The following DPH1 variants were observed in gnomAD, a reference collection of about 807,000 sequenced individuals.
DPH1 encodes diphthamide biosynthesis 1, also known as 2-(3-amino-3-carboxypropyl)histidine synthase subunit 1.
Under a neutral mutation model 55.3 loss-of-function variants are expected in DPH1, and 59 were observed. That is an observed-to-expected ratio of 1.07 (90% CI 0.87 to 1.33). The LOEUF (loss-of-function observed/expected upper bound fraction) is 1.33. DPH1 is among the 40% of genes most tolerant of loss of function. The pLI is 0.00. For synonymous variants in DPH1, 238 were observed against 235.5 expected, an observed-to-expected ratio of 1.01 and a Z score of -0.10; for missense variants, 628 against 584.8, an observed-to-expected ratio of 1.07 and a Z score of -0.76.
intron 7 of DPH1, 47 bp downstream of exon 7, chr17:2,039,870 T>C: frequency 1.2e-6 from 2 of 1,612,310 alleles, no homozygotes; most frequent in Non-Finnish European, 1.7e-6. Context: ...AGGGGTGAGA[T>C]TCCCTGCCAC....
chr17:2,035,577 C>T (rs2067410219), intron 3 of DPH1, among the ~76,000 whole-genome samples: 1 of 131,106 alleles, frequency 7.6e-6, no homozygotes, highest in Non-Finnish European at 1.7e-5. Flanking sequence ...TACAGCCACG[C>T]CCATGCCCAC....
intron 3 of DPH1, 59 bp downstream of exon 3, chr17:2,033,901 A>G: frequency 6.3e-6 from 10 of 1,596,644 alleles, no homozygotes; most frequent in South Asian, 2.2e-5. Context: ...CCCTATGCTC[A>G]TTACCCGGGT....
rs35394823 is a variant in DPH1, at chr17:2,040,586, C to G, written c.988C>G (p.Leu330Val). ...TGAGATCTTCCCCAGCAAGCTTAGC[C>G]TACTTCCTGAGGTGGATGTGTGAGT... ...LSEIFPSKLS[L>V]LPEVDVWVQV... The change falls in exon 9 of 13, where the codon CTA (leucine) becomes GTA (valine). Residue 330 changes from leucine to valine, a missense_variant. By Grantham distance (32) the Leu-to-Val change is conservative. Coordinates refer to ENST00000263083, the MANE Select transcript of DPH1 (RefSeq NM_001383.6). 0.084 allele frequency: 136,365 copies of G among 1,614,084 alleles called. 6,333 individuals are homozygous for G. Among genetic ancestry groups the G allele is most frequent in the Admixed American group, 0.1 (6,088 of 60,024 alleles).
chr17:2,040,340 CT>C lies in DPH1; in HGVS notation c.875del (p.Leu292TrpfsTer25), dbSNP rs2067496831. The C allele has an allele frequency of 6.2e-7, 1 of 1,613,862 alleles. No individual in the cohort carries two copies. Among genetic ancestry groups the C allele is most frequent in the African/African-American group, 1.3e-5 (1 of 74,944 alleles). On this transcript the variant is annotated frameshift_variant, in exon 8 of 13. Coordinates refer to ENST00000263083, the MANE Select transcript of DPH1 (RefSeq NM_001383.6). LOFTEE classifies it high-confidence loss of function. ...SAKSWGLILG[T>X]LGRQGSPKIL... ...AAGTCCTGGGGCCTTATTCTGGGCA[CT>C]TTGGGCCGCCAGGGCAGTCCTAAGA... is the stretch of plus-strand genomic sequence containing the variant.
Position 2,036,074 on chromosome 17 carries a change from A to G in DPH1, c.383A>G (p.Tyr128Cys). 6 of 1,613,888 alleles carry G rather than the reference A, an allele frequency of 3.7e-6. No individual in the cohort carries two copies. The highest frequency in any genetic ancestry group is 5.1e-6 in the Non-Finnish European group (6 of 1,179,896). Residue 128 changes from tyrosine to cysteine, a missense_variant, in exon 4 of 13, where the codon TAC (tyrosine) becomes TGC (cysteine). Transcript: ENST00000263083. The surrounding 1 kb of genome is among the most constrained non-coding windows in gnomAD (Gnocchi z 4.8). Reference protein sequence around the residue: ...RALGADFLVHYGHSCLIPMDT... With the variant: ...RALGADFLVHCGHSCLIPMDT... Reference sequence around the variant, plus strand: ...CTGGGAGCTGACTTCTTGGTGCACTACGGCCACAGTTGCCTGAGTATGGTG... The same window carrying G: ...CTGGGAGCTGACTTCTTGGTGCACTGCGGCCACAGTTGCCTGAGTATGGTG...
chr17:2,030,668 A>G (rs895753400), intron 1 of DPH1, among the ~76,000 whole-genome samples: 1 of 152,164 alleles, frequency 6.6e-6, no homozygotes, highest in African/African-American at 2.4e-5. Context: ...AGAATCAGAG[A>G]TCTCAGTCTA....
At position 2,036,057 on chromosome 17, in the gene DPH1, T is replaced by G; in HGVS notation, c.366T>G (p.Ala122=). ...VDDFTARALG[A]DFLVHYGHSC... is the part of the protein sequence containing the mutation. ...ACTTCACAGCGAGGGCCCTGGGAGC[T>G]GACTTCTTGGTGCACTACGGCCACA... Residue 122 remains alanine (A), a synonymous_variant, in exon 4 of 13, where the codon GCT becomes GCG. Transcript: ENST00000263083. The surrounding 1 kb of genome is among the most constrained non-coding windows in gnomAD (Gnocchi z 4.8). The G allele has an allele frequency of 6.2e-7, 1 of 1,613,954 alleles. No homozygotes were observed. The highest frequency in any genetic ancestry group is 8.5e-7 in the Non-Finnish European group (1 of 1,179,912).
rs2067515065 is a variant in DPH1 at position 2,041,174 on chromosome 17, C to T, written c.1079C>T (p.Pro360Leu). 1 of 1,604,484 alleles carries T rather than the reference C, an allele frequency of 6.2e-7. No individual in the cohort carries two copies. Among genetic ancestry groups the T allele is most frequent in the Non-Finnish European group, 8.5e-7 (1 of 1,175,292 alleles). Residue 360 changes from proline to leucine, a missense_variant, in exon 10 of 13, where the codon CCC becomes CTC. By Grantham distance (98) the Pro-to-Leu change is moderately conservative. Transcript: ENST00000263083. The stretch of plus-strand genomic sequence containing the variant: ...GCCTTCCCCAAGCCGCTGCTGACAC[C>T]CTATGAGGTAACACCAAGCTCTGGG... ...GTAFPKPLLT[P>L]YEAAVALRDI...
Position 2,036,362 on chromosome 17 carries a change from G to A in DPH1, c.401-167G>A. The A allele has an allele frequency of 2.7e-6, 3 of 1,091,328 alleles. No homozygotes were observed. In the South Asian group the frequency reaches 4.7e-5, roughly 17 times the overall value. The allele number at this position is 1,091,328 out of a possible 1,614,324, so 67.6% of individuals were successfully genotyped here. ...CCCCGGCCGGGTGACAGAGAAGTCT[G>A]ATTGAGAAGGAGCTTCTAGGGGATC... On this transcript the variant is annotated intron_variant, in intron 4 of 12. Transcript: ENST00000263083. The surrounding 1 kb of genome is among the most constrained non-coding windows in gnomAD (Gnocchi z 4.8).
chr17:2,037,257 C>G (rs1018109958), intron 6 of DPH1: 10 of 258,078 alleles, frequency 3.9e-5, no homozygotes, highest in Admixed American at 1.0e-4. Flanking sequence ...GATGGGCACG[C>G]CCAGGCTGCA....
In DPH1 at chr17:2,030,213, G is replaced by A. The variant is rs757704030; in HGVS notation, c.44G>A (p.Arg15Gln). ...VVSGAAEQGG[R>Q]DGPGRGRAPR... ...TCCGGGGCAGCGGAGCAGGGCGGCC[G>A]AGACGGCCCTGGCAGAGGTGGGTGC... is the stretch of plus-strand genomic sequence containing the variant. Residue 15 changes from arginine to glutamine, a missense_variant, in exon 1 of 13, where the codon CGA becomes CAA. Arg to Gln is a conservative substitution (Grantham distance 43). Transcript: ENST00000263083. 1 of 1,594,260 alleles carries A rather than the reference G, an allele frequency of 6.3e-7. No individual in the cohort carries two copies. Among genetic ancestry groups the A allele is most frequent in the Non-Finnish European group, 8.5e-7 (1 of 1,171,440 alleles).
At chr17:2,042,080 C>G (rs2067542966) in intron 12 of DPH1, 1 of 1,564,284 alleles carries the variant, frequency 6.4e-7, no homozygotes, top group Non-Finnish European at 8.6e-7. Flanking sequence ...GGGTCCTGTG[C>G]CTGGCGGGCT....
rs1443483079 is a variant in DPH1 at position 2,036,990 on chromosome 17, A to G, written c.680+34A>G. 9.4e-6 allele frequency: 15 copies of G among 1,604,178 alleles called. No individual in the cohort carries two copies. The highest frequency in any genetic ancestry group is 1.3e-5 in the Non-Finnish European group (15 of 1,175,494). On this transcript the variant is annotated intron_variant, in intron 6 of 12. Transcript: ENST00000263083. This position sits in a 1 kb window ranked among gnomAD's most constrained non-coding sequence, Gnocchi z 4.8. ...AAAATGGGGGCCAAGTAAGTCCTAG[A>G]GACATGCGTGTACCCTGGGAGGGAG... is the stretch of plus-strand genomic sequence containing the variant.
chr17:2,040,571 C>T lies in DPH1; in HGVS notation c.973C>T (p.Pro325Ser). ...GAGGCTGCTGCTCTCTGAGATCTTCCCCAGCAAGCTTAGCCTACTTCCTGA... is the reference window on the plus strand; with the variant it reads ...GAGGCTGCTGCTCTCTGAGATCTTCTCCAGCAAGCTTAGCCTACTTCCTGA... ...FVRLLLSEIF[P>S]SKLSLLPEVD... Residue 325 changes from proline to serine, a missense_variant, in exon 9 of 13, where the codon CCC (proline) becomes TCC (serine). Coordinates refer to ENST00000263083, the MANE Select transcript of DPH1 (RefSeq NM_001383.6). The T allele has an allele frequency of 6.2e-7, 1 of 1,614,230 alleles. No individual in the cohort carries two copies. Among genetic ancestry groups the T allele is most frequent in the South Asian group, 1.1e-5 (1 of 91,088 alleles).
chr17:2,042,066 C>A (rs532074812), intron 12 of DPH1, 191 bp downstream of exon 12: 2 of 1,552,708 alleles, frequency 1.3e-6, no homozygotes, highest in East Asian at 4.8e-5. Flanking sequence ...GCAGCGACCC[C>A]TGCGGGTCCT....
rs1180371790 is a variant in DPH1, at chr17:2,042,993, C to T, written c.*407C>T. The T allele has an allele frequency of 3.1e-6, 5 of 1,613,864 alleles. No homozygotes were observed. The highest frequency in any genetic ancestry group is 4.2e-6 in the Non-Finnish European group (5 of 1,179,930). ...CCTCTCAGGAGAGTGTGCAACTGGCCAGCCAATTTCCCGGAGCCATCACCC... is the reference window on the plus strand; with the variant it reads ...CCTCTCAGGAGAGTGTGCAACTGGCTAGCCAATTTCCCGGAGCCATCACCC... On this transcript the variant is annotated 3_prime_UTR_variant, in exon 13 of 13. Coordinates refer to ENST00000263083, the MANE Select transcript of DPH1 (RefSeq NM_001383.6).
chr17:2,035,953 C>G lies in DPH1; in HGVS notation c.279-17C>G. On this transcript the variant is annotated splice_polypyrimidine_tract_variant and intron_variant, in intron 3 of 12. Coordinates refer to ENST00000263083, the MANE Select transcript of DPH1 (RefSeq NM_001383.6). ...CCTGTGTCCCTGTCCCACCGTTCCC[C>G]GCCCCTGTGCCCGCAGGTTCACGGA... 1 of 1,613,642 alleles carries G rather than the reference C, an allele frequency of 6.2e-7. No individual in the cohort carries two copies. The highest frequency in any genetic ancestry group is 8.5e-7 in the Non-Finnish European group (1 of 1,179,808).
chr17:2,036,981 A>G lies in DPH1; in HGVS notation c.680+25A>G, dbSNP rs776781081. On this transcript the variant is annotated intron_variant, in intron 6 of 12. Transcript: ENST00000263083. This position sits in a 1 kb window ranked among gnomAD's most constrained non-coding sequence, Gnocchi z 4.8. Reference sequence around the variant, plus strand: ...TGTAAGTTAAAAATGGGGGCCAAGTAAGTCCTAGAGACATGCGTGTACCCT... The same window carrying G: ...TGTAAGTTAAAAATGGGGGCCAAGTGAGTCCTAGAGACATGCGTGTACCCT... 3.4e-5 allele frequency: 54 copies of G among 1,608,418 alleles called. No individual in the cohort carries two copies. In the Middle Eastern group the frequency reaches 1.5e-3, roughly 44 times the overall value.
chr17:2,041,467 C>T lies in DPH1; in HGVS notation c.1087-14C>T, dbSNP rs1223276817. 1.9e-6 allele frequency: 3 copies of T among 1,593,828 alleles called. No individual in the cohort carries two copies. Among genetic ancestry groups the T allele is most frequent in the South Asian group, 1.1e-5 (1 of 88,576 alleles). On this transcript the variant is annotated splice_polypyrimidine_tract_variant and intron_variant, in intron 10 of 12. Coordinates refer to ENST00000263083, the MANE Select transcript of DPH1 (RefSeq NM_001383.6). ...CACTGGCAGATGTTATTGTCCCTCC[C>T]TCCCCTCCCCTAGGCGGCCGTGGCT...
Sources: allele counts gnomAD v4.1 joint callset (sites outside exome capture counted in the v4.1 genomes callset), GRCh38; gene constraint gnomAD v4.1.1; non-coding constraint Gnocchi (gnomAD v3.1); transcripts MANE v1.5; gene names NCBI Gene and HGNC (gene_info 2026-07-23, HGNC 2026-07-21).